The following VPS13A variants were observed in gnomAD, a reference collection of about 807,000 sequenced individuals.
VPS13A encodes vacuolar protein sorting 13 homolog A.
Under a neutral mutation model 390.9 loss-of-function variants are expected in VPS13A, and 264 were observed. The observed-to-expected ratio is 0.68, with a 90% CI of 0.61 to 0.75. The LOEUF (loss-of-function observed/expected upper bound fraction) is 0.75. VPS13A is among the 30% of genes least tolerant of loss of function. The probability of loss-of-function intolerance (pLI) is 0.00; values close to 1 mark genes in which losing one functional copy is unlikely to be tolerated. For synonymous variants in VPS13A, 1,231 were observed against 1,227.1 expected, an observed-to-expected ratio of 1.00 and a Z score of -0.07; for missense variants, 3,409 against 3,733.9, an observed-to-expected ratio of 0.91 and a Z score of 2.27.
At chr9:77,234,715 T>C (rs1824035063) in intron 17 of VPS13A, among the ~76,000 whole-genome samples, 1 of 152,228 alleles carries the variant, frequency 6.6e-6, no homozygotes, top group South Asian at 2.1e-4. Context: ...GTTTATTGTA[T>C]GTCTTATACC....
rs370498496 is a variant in VPS13A at position 77,224,687 on chromosome 9, C to T, written c.1162-1239C>T. 4.4e-3 allele frequency among the ~76,000 whole-genome samples: 672 copies of T among 152,258 alleles called. 14 individuals are homozygous for T. Among genetic ancestry groups the T allele is most frequent in the South Asian group, 0.042 (204 of 4,822 alleles). On this transcript the variant is annotated intron_variant, in intron 13 of 71. Transcript: ENST00000360280. ...GTGGTTTCTTGAGATGAAATATACT[C>T]CTGGTGAAGATGAGAACATTGTTGA...
At chr9:77,392,775 C>CTA (rs921308516) in intron 68 of VPS13A, among the ~76,000 whole-genome samples, 20 of 146,786 alleles carry the variant, frequency 1.4e-4, no homozygotes, top group African/African-American at 5.0e-4. Flanking sequence ...CTATATAAAA[C>CTA]TATATATATA....
chr9:77,356,780 C>T lies in VPS13A; in HGVS notation c.7719C>T (p.His2573=). Residue 2573 remains histidine, a synonymous_variant, in exon 55 of 72, where the codon CAC becomes CAT. Transcript: ENST00000360280. ...GATGGAAGCCAATGAGTGTAAAGCA[C>T]ACTGAGAAGTTAGAGAGAGAATTTA... The part of the protein sequence containing the change: ...KARWKPMSVK[H]TEKLEREFKE... 1 of 1,613,824 alleles carries T rather than the reference C, an allele frequency of 6.2e-7. No homozygotes were observed. The highest frequency in any genetic ancestry group is 8.5e-7 in the Non-Finnish European group (1 of 1,179,888).
rs1016019777 is a variant in VPS13A, at chr9:77,366,754, G to A, written c.8353G>A (p.Gly2785Ser). Residue 2785 changes from glycine to serine, a missense_variant, in exon 61 of 72, where the codon GGC (glycine) becomes AGC (serine). Gly to Ser is a moderately conservative substitution (Grantham distance 56, BLOSUM62 0). Around this residue, in one of 5 missense-constraint regions of VPS13A, gnomAD observed 123 missense variants for 118.7 expected, o/e 1.04. Coordinates refer to ENST00000360280, the MANE Select transcript of VPS13A (RefSeq NM_033305.3). Reference sequence around the variant, plus strand: ...ACATTTAAGTGTTTCACTGAGTTCCGGCAGAGAAGAAGCTAAAGATTCAAA... The same window carrying A: ...ACATTTAAGTGTTTCACTGAGTTCCAGCAGAGAAGAAGCTAAAGATTCAAA... ...KLHLSVSLSS[G>S]REEAKDSKQN... The A allele has an allele frequency of 8.1e-6, 13 of 1,612,362 alleles. No homozygotes were observed. The highest frequency in any genetic ancestry group is 2.2e-5 in the East Asian group (1 of 44,768).
intron 27 of VPS13A, 100 bp from the exon 28 acceptor site, chr9:77,281,767 A>C: frequency 2.9e-5 from 20 of 678,212 alleles, no homozygotes; most frequent in Non-Finnish European, 4.2e-5. Context: ...ATGTATATGA[A>C]CAGCTGGAAA....
intron 23 of VPS13A, among the ~76,000 whole-genome samples, chr9:77,268,549 T>G (rs1826164663): frequency 1.3e-5 from 2 of 152,284 alleles, no homozygotes; most frequent in South Asian, 4.1e-4. Flanking sequence ...ACTGGCCTTC[T>G]GCATTGATAT....
Position 77,275,513 on chromosome 9 carries a change from T to C in VPS13A, c.2528T>C (p.Phe843Ser). 1 of 1,613,728 alleles carries C rather than the reference T, an allele frequency of 6.2e-7. No homozygotes were observed. Among genetic ancestry groups the C allele is most frequent in the Non-Finnish European group, 8.5e-7 (1 of 1,179,762 alleles). Residue 843 changes from phenylalanine to serine, a missense_variant, in exon 25 of 72, where the codon TTT becomes TCT. Phe to Ser is a radical substitution (Grantham distance 155, BLOSUM62 -2). This residue lies in a region of VPS13A where 2,717 missense variants were observed against 2,917.4 expected (regional missense o/e 0.93). Coordinates refer to ENST00000360280, the MANE Select transcript of VPS13A (RefSeq NM_033305.3). ...TGAAATGTAGATTCAGAGGAGGAATTTTTTGATGCACCATGTAGTCCCTTG... is the reference window on the plus strand; with the variant it reads ...TGAAATGTAGATTCAGAGGAGGAATCTTTTGATGCACCATGTAGTCCCTTG... ...SVSEDDSEEE[F>S]FDAPCSPLEE...
intron 17 of VPS13A, among the ~76,000 whole-genome samples, chr9:77,237,186 C>T (rs1824199557): frequency 6.6e-6 from 1 of 152,062 alleles, no homozygotes; most frequent in Non-Finnish European, 1.5e-5. Flanking sequence ...CCGAGCCCAG[C>T]CTAGATTTTT....
intron 34 of VPS13A, among the ~76,000 whole-genome samples, chr9:77,305,221 A>G (rs918064331): frequency 1.3e-5 from 2 of 152,136 alleles, no homozygotes; most frequent in Non-Finnish European, 2.9e-5. Flanking sequence ...TACAGGCGTG[A>G]GCCATCACGC....
intron 29 of VPS13A, 115 bp downstream of exon 29, chr9:77,282,389 C>A: frequency 1.0e-6 from 1 of 983,110 alleles, no homozygotes; most frequent in Non-Finnish European, 1.5e-6. Context: ...ATTCTGTTGC[C>A]TAGGTTAATA....
At chr9:77,215,889 A>G (rs1356118725) in intron 10 of VPS13A, among the ~76,000 whole-genome samples, 2 of 152,232 alleles carry the variant, frequency 1.3e-5, no homozygotes, top group Admixed American at 6.5e-5. Context: ...AATGCACTCC[A>G]GTACAAAACT....
At chr9:77,210,989 A>G (rs1034564174) in intron 7 of VPS13A, among the ~76,000 whole-genome samples, 4 of 152,240 alleles carry the variant, frequency 2.6e-5, no homozygotes, top group Non-Finnish European at 5.9e-5. Context: ...CATATCTGAA[A>G]CTTCGATAAG....
rs1309026617 is a variant in VPS13A at position 77,419,600 on chromosome 9, A to G, written c.*3594A>G. 2.0e-5 allele frequency: 3 copies of G among 151,966 alleles called. No individual in the cohort carries two copies. The highest frequency in any genetic ancestry group is 2.9e-5 in the Non-Finnish European group (2 of 67,984). The allele number at this position is 151,966 out of a possible 1,614,324, so 9.4% of individuals were successfully genotyped here. A position where few individuals can be genotyped will look rare whatever the true frequency, so the allele number is the denominator to read the frequency against. Reference sequence around the variant, plus strand: ...TGGAATCACTCTTGGTTTCTAAAATATTTTTCTTCTCTGCTGTGTATCGGG... The same window carrying G: ...TGGAATCACTCTTGGTTTCTAAAATGTTTTTCTTCTCTGCTGTGTATCGGG... On this transcript the variant is annotated 3_prime_UTR_variant, in exon 72 of 72. Transcript: ENST00000360280.
intron 1 of VPS13A, among the ~76,000 whole-genome samples, chr9:77,191,406 A>G (rs889612792): frequency 1.2e-4 from 17 of 144,258 alleles, no homozygotes; most frequent in African/African-American, 3.9e-4. Context: ...CAGTCCTCCC[A>G]CCTCTCAGCC....
chr9:77,249,969 C>A, intron 20 of VPS13A, 128 bp from the exon 21 acceptor site: 1 of 1,023,828 alleles, frequency 9.8e-7, no homozygotes, highest in Non-Finnish European at 1.4e-6. Context: ...TTCTAATAGC[C>A]TTATTATGTA....
At chr9:77,227,249 C>T in intron 15 of VPS13A, 142 bp from the exon 16 acceptor site, 1 of 641,422 alleles carries the variant, frequency 1.6e-6, no homozygotes. Flanking sequence ...AATTGCCAGC[C>T]CCATTCAAAC....
Position 77,410,101 on chromosome 9 carries a change from C to G in VPS13A, c.9474+2494C>G, listed in dbSNP as rs1320766072. ...ATCAGACTAATAGCTGATCTCTCAGCAGAAACTCTACAAGCCAGAAGAGAG... is the reference window on the plus strand; with the variant it reads ...ATCAGACTAATAGCTGATCTCTCAGGAGAAACTCTACAAGCCAGAAGAGAG... On this transcript the variant is annotated intron_variant, in intron 71 of 71. Transcript: ENST00000360280. Among the ~76,000 whole-genome samples the G allele has an allele frequency of 1.3e-5, 2 of 152,194 alleles. 1 individual carries two copies. The highest frequency in any genetic ancestry group is 4.8e-5 in the African/African-American group (2 of 41,448).
intron 1 of VPS13A, 80 bp from the exon 2 acceptor site, chr9:77,199,865 G>T: frequency 8.7e-7 from 1 of 1,153,698 alleles, no homozygotes. Flanking sequence ...TCCTGATTAT[G>T]ACAGGAATGA....
At chr9:77,271,119 T>G (rs1826329278) in intron 23 of VPS13A, among the ~76,000 whole-genome samples, 2 of 152,138 alleles carry the variant, frequency 1.3e-5, no homozygotes, top group African/African-American at 4.8e-5. Flanking sequence ...GCAAAAATAT[T>G]TTTACAAGTC....
Sources: gnomAD v4.1 joint callset for allele counts (sites outside exome capture counted in the v4.1 genomes callset) on GRCh38, gnomAD v4.1.1 for gene constraint, gnomAD v4.1.1 regional missense constraint, MANE v1.5 for transcripts, NCBI Gene and HGNC (gene_info 2026-07-23, HGNC 2026-07-21) for gene names.